AGBL3: variants seen among roughly 807,000 people sequenced by gnomAD.
AGBL3 encodes AGBL carboxypeptidase 3.
AGBL3 carries 68 observed loss-of-function variants against 94.5 expected under a neutral mutation model. That is an observed-to-expected ratio of 0.72 (90% confidence interval 0.59 to 0.88). The LOEUF is 0.88. Ranked by LOEUF, AGBL3 falls within the 40% of genes least tolerant of loss-of-function variation. The pLI, the probability that AGBL3 is intolerant of heterozygous loss-of-function variation, is 0.00. For synonymous variants in AGBL3, 354 were observed against 370.7 expected, an observed-to-expected ratio of 0.95 and a Z score of 0.52; for missense variants, 934 against 1,103.8, an observed-to-expected ratio of 0.85 and a Z score of 2.18.
chr7:135,121,176 G>C lies in AGBL3; in HGVS notation c.2342+5565G>C, dbSNP rs995384973. Among the ~76,000 whole-genome samples the C allele has an allele frequency of 5.3e-5, 8 of 152,262 alleles. No homozygotes were observed. In the East Asian group the frequency reaches 1.5e-3, roughly 29 times the overall value. ...GCCAAGATGGTGCCATTGCACTCCA[G>C]CCTGGGCAACAAAAACAAAACTCCG... On this transcript the variant is annotated intron_variant, in intron 16 of 16. Coordinates refer to ENST00000436302, the MANE Select transcript of AGBL3 (RefSeq NM_178563.4).
intron 12 of AGBL3, among the ~76,000 whole-genome samples, chr7:135,060,546 C>T (rs950727665): frequency 4.6e-5 from 7 of 152,090 alleles, no homozygotes; most frequent in African/African-American, 1.4e-4. Context: ...AACACCTGCT[C>T]AACCCATACC....
Position 135,117,388 on chromosome 7 carries a change from T to C in AGBL3, c.2342+1777T>C, listed in dbSNP as rs145428292. ...TGTAGGTTTCAGCCCTATGATTACA[T>C]TCAGATGTAACGTCATGTTCAACAT... On this transcript the variant is annotated intron_variant, in intron 16 of 16. Transcript: ENST00000436302. Among the ~76,000 whole-genome samples, 447 of 152,316 alleles carry C rather than the reference T, an allele frequency of 2.9e-3. 2 individuals carry two copies. Among genetic ancestry groups the C allele is most frequent in the Middle Eastern group, 0.014 (4 of 294 alleles).
intron 12 of AGBL3, among the ~76,000 whole-genome samples, chr7:135,067,447 T>G (rs907844872): frequency 2.0e-5 from 3 of 152,190 alleles, no homozygotes; most frequent in East Asian, 1.9e-4. Flanking sequence ...CCTCCTCAAG[T>G]GGGTCCCTGA....
intron 4 of AGBL3, among the ~76,000 whole-genome samples, chr7:134,998,239 GA>G (rs1468710508): frequency 6.6e-6 from 1 of 152,126 alleles, no homozygotes; most frequent in Non-Finnish European, 1.5e-5. Flanking sequence ...CTTATGACCA[GA>G]ATGTCTCCCA....
At chr7:135,004,224 T>A (rs1812095892) in intron 4 of AGBL3, among the ~76,000 whole-genome samples, 1 of 151,738 alleles carries the variant, frequency 6.6e-6, no homozygotes, top group African/African-American at 2.4e-5. Context: ...TGACCTATTA[T>A]GTTGGTGAGT....
At chr7:135,014,217 A>C (rs1792652050) in intron 4 of AGBL3, among the ~76,000 whole-genome samples, 1 of 151,590 alleles carries the variant, frequency 6.6e-6, no homozygotes, top group African/African-American at 2.4e-5. Context: ...AAAAAAAAAA[A>C]AAAAAAAAAA....
Position 135,115,565 on chromosome 7 carries a change from A to T in AGBL3, c.2296A>T (p.Ile766Leu). The T allele has an allele frequency of 1.3e-6, 2 of 1,551,386 alleles. No individual in the cohort carries two copies. Among genetic ancestry groups the T allele is most frequent in the South Asian group, 2.4e-5 (2 of 83,998 alleles). ...HSTKNMQTTQ[I>L]KQLFNPRTNF... is the part of the protein sequence containing the mutation. Reference sequence around the variant, plus strand: ...CACTAAAAACATGCAAACCACTCAGATAAAACAGCTATTCAATCCAAGAAC... The same window carrying T: ...CACTAAAAACATGCAAACCACTCAGTTAAAACAGCTATTCAATCCAAGAAC... Residue 766 changes from isoleucine (I) to leucine (L), a missense_variant, in exon 16 of 17, where the codon ATA becomes TTA. Coordinates refer to ENST00000436302, the MANE Select transcript of AGBL3 (RefSeq NM_178563.4).
rs182356886 is a variant in AGBL3, at chr7:135,115,532, G to A, written c.2263G>A (p.Val755Met). ...AATATTGCAGTATTTGCTCCCCATC[G>A]TGCATAGCACTAAAAACATGCAAAC... ...QEILQYLLPI[V>M]HSTKNMQTTQ... The change falls in exon 16 of 17, where the codon GTG becomes ATG. Residue 755 changes from valine (V) to methionine (M), a missense_variant. Physicochemically the swap from Val to Met is conservative, Grantham distance 21. Around this residue, in one of 3 missense-constraint regions of AGBL3, gnomAD observed 441 missense variants for 518.2 expected, o/e 0.85. Transcript: ENST00000436302. The A allele has an allele frequency of 1.2e-4, 188 of 1,551,388 alleles. No individual in the cohort carries two copies. Among genetic ancestry groups the A allele is most frequent in the African/African-American group, 1.1e-3 (84 of 73,122 alleles).
chr7:135,117,342 G>T (rs1173757427), intron 16 of AGBL3, among the ~76,000 whole-genome samples: 1 of 146,416 alleles, frequency 6.8e-6, no homozygotes, highest in African/African-American at 2.5e-5. Context: ...ATTCATTTTG[G>T]CTTAAGAACA....
chr7:135,013,804 T>A (rs538916175), intron 4 of AGBL3, among the ~76,000 whole-genome samples: 32 of 152,160 alleles, frequency 2.1e-4, no homozygotes, highest in Non-Finnish European at 4.3e-4. Flanking sequence ...CCACTCTACT[T>A]CTGGGTTTCT....
At chr7:135,125,846 C>T (rs543647634) in intron 16 of AGBL3, among the ~76,000 whole-genome samples, 1 of 152,112 alleles carries the variant, frequency 6.6e-6, no homozygotes, top group Non-Finnish European at 1.5e-5. Context: ...ATTCAACATC[C>T]CTTCATGTTA....
chr7:135,123,300 T>G (rs1210940047), intron 16 of AGBL3, among the ~76,000 whole-genome samples: 1 of 152,068 alleles, frequency 6.6e-6, no homozygotes, highest in Non-Finnish European at 1.5e-5. Context: ...TATCAGAGTT[T>G]GAAGACAACC....
At chr7:135,128,014 C>A (rs982500436) in intron 16 of AGBL3, among the ~76,000 whole-genome samples, 1 of 151,970 alleles carries the variant, frequency 6.6e-6, no homozygotes, top group Non-Finnish European at 1.5e-5. Context: ...ATGGGATCTG[C>A]CAGGCACGGT....
intron 15 of AGBL3, among the ~76,000 whole-genome samples, chr7:135,112,913 G>T (rs543763102): frequency 6.6e-6 from 1 of 152,130 alleles, no homozygotes; most frequent in Non-Finnish European, 1.5e-5. Flanking sequence ...GAGTAGCTGG[G>T]ATTACAGAAC....
chr7:135,012,070 T>C (rs1368364137), intron 4 of AGBL3: 1 of 152,152 alleles, frequency 6.6e-6, no homozygotes, highest in African/African-American at 2.4e-5. Flanking sequence ...ATATTATATA[T>C]CAATGAAATA....
At chr7:135,082,610 T>C (rs1373333239) in intron 15 of AGBL3, among the ~76,000 whole-genome samples, 6 of 152,136 alleles carry the variant, frequency 3.9e-5, no homozygotes, top group Non-Finnish European at 8.8e-5. Context: ...TCTTGACATA[T>C]TGGATTTCAC....
chr7:135,023,134 T>C (rs1814695979), intron 5 of AGBL3, among the ~76,000 whole-genome samples: 1 of 152,206 alleles, frequency 6.6e-6, no homozygotes, highest in South Asian at 2.1e-4. Flanking sequence ...TGCTTCCCTT[T>C]CTTTGTGTTA....
At chr7:135,014,530 T>A (rs1813546573) in intron 4 of AGBL3, among the ~76,000 whole-genome samples, 1 of 152,200 alleles carries the variant, frequency 6.6e-6, no homozygotes, top group Non-Finnish European at 1.5e-5. Flanking sequence ...TGAAAAAAGA[T>A]ACACAAAATG....
At chr7:135,072,070 AAAAC>A (rs1179255314) in intron 12 of AGBL3, among the ~76,000 whole-genome samples, 5 of 152,244 alleles carry the variant, frequency 3.3e-5, no homozygotes, top group Non-Finnish European at 5.9e-5. Context: ...TTACAAGAAA[AAAAC>A]AAACAACCCC....
Sources: gnomAD v4.1 joint callset for allele counts (sites outside exome capture counted in the v4.1 genomes callset) on GRCh38, gnomAD v4.1.1 for gene constraint, gnomAD v4.1.1 regional missense constraint, MANE v1.5 for transcripts, NCBI Gene and HGNC (gene_info 2026-07-23, HGNC 2026-07-21) for gene names.